Variants in CTNND2 observed in about 807,000 individuals in gnomAD.
The protein encoded by CTNND2 is catenin delta-2.
A neutral mutation model predicts 144.4 loss-of-function variants in CTNND2; 22 were observed. The ratio of observed to expected loss-of-function variants is 0.15; its 90% confidence interval spans 0.11 to 0.22. The LOEUF is 0.22. CTNND2 is among the 10% of genes least tolerant of loss of function. CTNND2 has a pLI of 1.00. For missense variants in CTNND2, 1,353 were observed against 1,618.8 expected (o/e 0.84, Z 2.82); for synonymous variants, 751 against 695.6 (o/e 1.08, Z -1.25).
At chr5:11,642,470 AGCACAAACTCTGAT>A (rs1223565004) in intron 2 of CTNND2, among the ~76,000 whole-genome samples, 1 of 152,224 alleles carries the variant, frequency 6.6e-6, no homozygotes, top group African/African-American at 2.4e-5. Flanking sequence ...TGAAGCCAGC[AGCACAAACTCTGAT>A]GGATGAAGTT....
intron 9 of CTNND2, among the ~76,000 whole-genome samples, chr5:11,283,603 G>A (rs1040120754): frequency 6.8e-6 from 1 of 147,332 alleles, no homozygotes; most frequent in African/African-American, 2.5e-5. Context: ...GAACCTGGGA[G>A]GCGGAGGTTG....
chr5:11,572,091 G>A (rs894636955), intron 2 of CTNND2, among the ~76,000 whole-genome samples: 1 of 152,144 alleles, frequency 6.6e-6, no homozygotes, highest in African/African-American at 2.4e-5. Flanking sequence ...TTATTTGGCA[G>A]TCAGATCATC....
At chr5:11,154,593 C>T (rs1396658571) in intron 12 of CTNND2, among the ~76,000 whole-genome samples, 4 of 152,210 alleles carry the variant, frequency 2.6e-5, no homozygotes, top group African/African-American at 9.6e-5. Flanking sequence ...CAGGCGGCTC[C>T]TTGGCTTCCT....
At chr5:11,631,869 G>A (rs1183824926) in intron 2 of CTNND2, among the ~76,000 whole-genome samples, 1 of 152,110 alleles carries the variant, frequency 6.6e-6, no homozygotes, top group African/African-American at 2.4e-5. Context: ...GAGCAAGAGT[G>A]CCAATCCAAA....
intron 1 of CTNND2, among the ~76,000 whole-genome samples, chr5:11,838,767 A>G (rs1794309256): frequency 6.6e-6 from 1 of 152,112 alleles, no homozygotes; most frequent in Non-Finnish European, 1.5e-5. Flanking sequence ...AATGTCTTTG[A>G]TATTGTGTCA....
At chr5:11,238,711 C>G (rs1388961513) in intron 9 of CTNND2, among the ~76,000 whole-genome samples, 1 of 152,078 alleles carries the variant, frequency 6.6e-6, no homozygotes, top group Non-Finnish European at 1.5e-5. Context: ...TATATATACA[C>G]ATTATATATA....
rs1227569011 is a variant in CTNND2, at chr5:11,040,745, A to G, written c.2789-17766T>C. On this transcript the variant is annotated intron_variant, in intron 16 of 21. Coordinates refer to ENST00000304623, the MANE Select transcript of CTNND2 (RefSeq NM_001332.4). ...TTTGAGAAATACTGAAAATGAGGCA[A>G]GCAACTAATATGATACATTTTAACA... Among the ~76,000 whole-genome samples the G allele has an allele frequency of 5.3e-5, 8 of 152,258 alleles. No individual in the cohort carries two copies. The East Asian group carries it at 1.5e-3, about 29-fold the overall frequency.
At chr5:11,367,326 G>T (rs1245050583) in intron 7 of CTNND2, among the ~76,000 whole-genome samples, 1 of 152,182 alleles carries the variant, frequency 6.6e-6, no homozygotes, top group East Asian at 1.9e-4. Context: ...GGTTAAAGAT[G>T]TCACTGCTGG....
chr5:11,558,388 C>T (rs1018869302), intron 3 of CTNND2, among the ~76,000 whole-genome samples: 3 of 134,534 alleles, frequency 2.2e-5, no homozygotes, highest in African/African-American at 7.9e-5. Flanking sequence ...GTGTGACACA[C>T]AAGGTCTCAC....
intron 3 of CTNND2, among the ~76,000 whole-genome samples, chr5:11,532,555 C>T (rs527533047): frequency 4.6e-5 from 7 of 152,264 alleles, no homozygotes; most frequent in Non-Finnish European, 8.8e-5. Context: ...TGAGCACCTA[C>T]TGTAGGTCAT....
intron 1 of CTNND2, among the ~76,000 whole-genome samples, chr5:11,874,754 GT>G (rs1735425166): frequency 6.6e-6 from 1 of 152,216 alleles, no homozygotes; most frequent in African/African-American, 2.4e-5. Flanking sequence ...TTAGACCACA[GT>G]TGACTGTGGA....
chr5:11,262,180 T>C (rs184482005), intron 9 of CTNND2, among the ~76,000 whole-genome samples: 67 of 152,212 alleles, frequency 4.4e-4, no homozygotes, highest in Non-Finnish European at 8.2e-4. Flanking sequence ...GATGGCCACA[T>C]TTCCAAGCAA....
chr5:11,284,085 C>A (rs1193382775), intron 9 of CTNND2, among the ~76,000 whole-genome samples: 1 of 152,110 alleles, frequency 6.6e-6, no homozygotes, highest in East Asian at 1.9e-4. Context: ...GTGTGGGCTT[C>A]ACGCTCCTCT....
intron 9 of CTNND2, among the ~76,000 whole-genome samples, chr5:11,294,302 G>A (rs569266896): frequency 1.3e-5 from 2 of 152,108 alleles, no homozygotes; most frequent in African/African-American, 4.8e-5. Context: ...GTGATAAAAT[G>A]GAATACACAT....
At chr5:11,753,327 T>C (rs544639632) in intron 1 of CTNND2, among the ~76,000 whole-genome samples, 126 of 151,848 alleles carry the variant, frequency 8.3e-4, no homozygotes, top group Non-Finnish European at 1.6e-3. Context: ...AGATGGCTCT[T>C]ATTATTTTGA....
intron 2 of CTNND2, among the ~76,000 whole-genome samples, chr5:11,641,476 TGTATATGTACATGCACACATATACAC>T (rs563834282): frequency 3.4e-4 from 49 of 143,208 alleles, no homozygotes; most frequent in Admixed American, 2.4e-3. Flanking sequence ...CTTTTATGTA[TGTATATGTACATGCACACATATACAC>T]GTATATGTAC....
chr5:11,415,783 C>A (rs920305434), intron 3 of CTNND2, among the ~76,000 whole-genome samples: 12 of 152,148 alleles, frequency 7.9e-5, no homozygotes, highest in Non-Finnish European at 1.8e-4. Flanking sequence ...CTCTGCTTAG[C>A]TCCCTTGCAC....
chr5:11,414,447 G>A (rs1761774203), intron 3 of CTNND2, among the ~76,000 whole-genome samples: 2 of 152,150 alleles, frequency 1.3e-5, no homozygotes, highest in African/African-American at 2.4e-5. Flanking sequence ...AGTGCTTCCT[G>A]AATACCAAGG....
chr5:11,868,481 A>G (rs1795879653), intron 1 of CTNND2, among the ~76,000 whole-genome samples: 1 of 152,188 alleles, frequency 6.6e-6, no homozygotes, highest in Non-Finnish European at 1.5e-5. Flanking sequence ...TGCTCTTTAA[A>G]AGTATCCAAC....
Sources: gnomAD v4.1 joint callset for allele counts (sites outside exome capture counted in the v4.1 genomes callset) on GRCh38, gnomAD v4.1.1 for gene constraint, MANE v1.5 for transcripts, NCBI Gene and HGNC (gene_info 2026-07-23, HGNC 2026-07-21) for gene names.